The following SFXN4 variants were observed in gnomAD, a reference collection of about 807,000 sequenced individuals.
The protein encoded by SFXN4 is sideroflexin 4.
A neutral mutation model predicts 54.6 loss-of-function variants in SFXN4; 48 were observed. The observed-to-expected ratio is 0.88, with a 90% CI of 0.70 to 1.12. The LOEUF is 1.12. Ranked by LOEUF, SFXN4 falls within the 50% of genes most tolerant of loss-of-function variation. The pLI is 0.00. For missense variants in SFXN4, 383 were observed against 409.2 expected (o/e 0.94, Z 0.55); for synonymous variants, 130 against 145.5 (o/e 0.89, Z 0.77).
chr10:119,147,166 C>T (rs1846851877), intron 12 of SFXN4, among the ~76,000 whole-genome samples: 1 of 152,210 alleles, frequency 6.6e-6, no homozygotes, highest in Admixed American at 6.5e-5. Flanking sequence ...ACGAGAATGA[C>T]AGGGAGGCGC....
At chr10:119,146,757 C>T (rs1402795311) in intron 12 of SFXN4, among the ~76,000 whole-genome samples, 4 of 151,998 alleles carry the variant, frequency 2.6e-5, no homozygotes, top group Admixed American at 1.3e-4. Flanking sequence ...TCAGTAGAGA[C>T]GGGGTTCACC....
chr10:119,154,399 T>C (rs746759779), intron 11 of SFXN4, among the ~76,000 whole-genome samples: 1 of 151,824 alleles, frequency 6.6e-6, no homozygotes, highest in Admixed American at 6.6e-5. Flanking sequence ...CTAATAGACA[T>C]GTACTGCCCA....
chr10:119,147,678 C>T (rs1335516578), intron 12 of SFXN4, 97 bp downstream of exon 12: 2 of 1,019,658 alleles, frequency 2.0e-6, no homozygotes, highest in Non-Finnish European at 1.5e-6. Flanking sequence ...GTTACTGAGC[C>T]AACTTCTCCC....
At chr10:119,149,557 C>T (rs1846966590) in intron 11 of SFXN4, among the ~76,000 whole-genome samples, 2 of 152,166 alleles carry the variant, frequency 1.3e-5, no homozygotes, top group Non-Finnish European at 2.9e-5. Context: ...CAAGACCAGC[C>T]TGGCCAACAT....
intron 10 of SFXN4, among the ~76,000 whole-genome samples, chr10:119,155,478 T>A (rs17668764): frequency 3.3e-5 from 5 of 151,596 alleles, no homozygotes; most frequent in Non-Finnish European, 7.4e-5. Flanking sequence ...GGAAACATAT[T>A]CCTCCCTCGT....
intron 8 of SFXN4, 58 bp downstream of exon 8, chr10:119,157,813 A>G (rs777228245): frequency 1.4e-5 from 22 of 1,607,370 alleles, no homozygotes; most frequent in Non-Finnish European, 1.8e-5. Context: ...AACACATACA[A>G]CAAACTCCAA....
chr10:119,145,080 GAATTA>G (rs1421519666), intron 13 of SFXN4, among the ~76,000 whole-genome samples: 2 of 130,098 alleles, frequency 1.5e-5, no homozygotes, highest in East Asian at 2.2e-4. Flanking sequence ...TTGAGGGATA[GAATTA>G]AATATAAATA....
At chr10:119,161,575 C>A (rs1487870212) in intron 3 of SFXN4, among the ~76,000 whole-genome samples, 2 of 152,026 alleles carry the variant, frequency 1.3e-5, no homozygotes, top group Non-Finnish European at 1.5e-5. Context: ...CAGAACAAAT[C>A]AAAATAAATG....
rs1846633210 is a variant in SFXN4, at chr10:119,143,243, C to T, written c.937-1924G>A. ...TGCCTGTTCCTTGCAGCCTCACGTG[C>T]CCATTCAGCCCTTCCCATCCTCCAC... On this transcript the variant is annotated intron_variant, in intron 13 of 13. Transcript: ENST00000355697. 2.0e-5 allele frequency among the ~76,000 whole-genome samples: 3 copies of T among 152,180 alleles called. No homozygotes were observed. In the South Asian group the frequency reaches 6.2e-4, roughly 31 times the overall value.
intron 11 of SFXN4, among the ~76,000 whole-genome samples, chr10:119,154,035 G>C (rs1047207321): frequency 1.3e-5 from 2 of 151,936 alleles, no homozygotes; most frequent in Non-Finnish European, 2.9e-5. Flanking sequence ...AAAATTGGCT[G>C]GGCGTGGTGG....
intron 1 of SFXN4, 131 bp from the exon 2 acceptor site, chr10:119,164,327 A>C: frequency 1.7e-6 from 1 of 573,886 alleles, no homozygotes; most frequent in Non-Finnish European, 3.0e-6. Flanking sequence ...TACTGGCATC[A>C]TCTCCTGGGA....
chr10:119,141,771 C>T (rs1023982420), intron 13 of SFXN4, among the ~76,000 whole-genome samples: 1 of 152,168 alleles, frequency 6.6e-6, no homozygotes, highest in East Asian at 1.9e-4. Flanking sequence ...ATGGCTCATG[C>T]CTGTAATCCC....
At chr10:119,158,189 G>T in intron 6 of SFXN4, 127 bp from the exon 7 acceptor site, 1 of 854,120 alleles carries the variant, frequency 1.2e-6, no homozygotes, top group Non-Finnish European at 2.0e-6. Context: ...GAGGATGGTG[G>T]TGGGTACAGG....
At chr10:119,161,750 G>A (rs1847558290) in intron 3 of SFXN4, among the ~76,000 whole-genome samples, 1 of 152,188 alleles carries the variant, frequency 6.6e-6, no homozygotes, top group African/African-American at 2.4e-5. Flanking sequence ...GCTCAGAGCA[G>A]AGCAGGCTGT....
intron 1 of SFXN4, chr10:119,165,260 G>A: frequency 8.6e-7 from 1 of 1,166,094 alleles, no homozygotes; most frequent in Non-Finnish European, 1.1e-6. Flanking sequence ...CAGGCAGTAG[G>A]GAGCAGCCAC....
At chr10:119,148,484 A>T (rs1229066823) in intron 11 of SFXN4, among the ~76,000 whole-genome samples, 1 of 152,138 alleles carries the variant, frequency 6.6e-6, no homozygotes, top group Non-Finnish European at 1.5e-5. Context: ...GATTTGCCAC[A>T]GAGGTTTGCT....
chr10:119,141,021 G>T lies in SFXN4; in HGVS notation c.*221C>A. ...TCCAACCGTTCCCTCAGCAACCCCA[G>T]GGGTGTCAGACGGGGCACCCTCCCA... is the stretch of plus-strand genomic sequence containing the variant. On this transcript the variant is annotated 3_prime_UTR_variant, in exon 14 of 14. Coordinates refer to ENST00000355697, the MANE Select transcript of SFXN4 (RefSeq NM_213649.2). The T allele has an allele frequency of 2.2e-6, 1 of 458,266 alleles. No individual in the cohort carries two copies. Among genetic ancestry groups the T allele is most frequent in the Non-Finnish European group, 3.9e-6 (1 of 255,920 alleles). 28.4% of individuals were successfully genotyped at this position (458,266 alleles called of 1,614,324 possible). A position where few individuals can be genotyped will look rare whatever the true frequency, so the allele number is the denominator to read the frequency against.
intron 13 of SFXN4, among the ~76,000 whole-genome samples, chr10:119,142,808 C>T (rs547366866): frequency 1.8e-4 from 27 of 148,288 alleles, no homozygotes; most frequent in Non-Finnish European, 3.1e-4. Flanking sequence ...CTCGGCTCAC[C>T]GCAAGCTCTG....
rs1847337667 is a variant in SFXN4, at chr10:119,157,906, C to T, written c.436G>A (p.Ala146Thr). 1 of 1,614,104 alleles carries T rather than the reference C, an allele frequency of 6.2e-7. No individual in the cohort carries two copies. The highest frequency in any genetic ancestry group is 1.3e-5 in the African/African-American group (1 of 74,934). Reference protein sequence around the residue: ...LPQVFLCAYMAAFNSINGNRS... With the variant: ...LPQVFLCAYMTAFNSINGNRS... ...TTTCCATTGATGCTGTTGAACGCTG[C>T]CATGTAGGCACAGAGGAAAACCTGC... is the stretch of plus-strand genomic sequence containing the variant. Residue 146 changes from alanine (A) to threonine (T), a missense_variant, in exon 8 of 14, where the codon GCA becomes ACA. Physicochemically the swap from Ala to Thr is moderately conservative, Grantham distance 58. Coordinates refer to ENST00000355697, the MANE Select transcript of SFXN4 (RefSeq NM_213649.2).
Sources: allele counts gnomAD v4.1 joint callset (sites outside exome capture counted in the v4.1 genomes callset), GRCh38; gene constraint gnomAD v4.1.1; transcripts MANE v1.5; gene names NCBI Gene and HGNC (gene_info 2026-07-23, HGNC 2026-07-21).